MGST1: variants seen among roughly 807,000 people sequenced by gnomAD.
MGST1 encodes the protein microsomal glutathione S-transferase 1.
Under a neutral mutation model 8.9 loss-of-function variants are expected in MGST1, and 5 were observed. The ratio of observed to expected loss-of-function variants is 0.56; its 90% CI spans 0.29 to 1.19. The LOEUF (loss-of-function observed/expected upper bound fraction) is 1.19. Ranked by LOEUF, MGST1 falls within the 50% of genes most tolerant of loss-of-function variation. The probability of loss-of-function intolerance (pLI) is 0.08; values close to 1 mark genes in which losing one functional copy is unlikely to be tolerated. For synonymous variants in MGST1, 54 were observed against 67.8 expected (o/e 0.80, Z 1.00); for missense variants, 182 against 187.4 (o/e 0.97, Z 0.17).
exon 2 of MGST1, chr12:16,437,435 A>G (rs1940996657): frequency 6.6e-6 from 1 of 151,942 alleles, no homozygotes; most frequent in South Asian, 2.1e-4. Flanking sequence ...CTCTGTGCCC[A>G]GGGTTCAGTG....
rs1334389841 is a variant in MGST1, at chr12:16,361,479, C to T, written c.222-2316C>T. ...TCATGGGGAAGAAGGGTAATAGACC[C>T]AGGTAGAAAGTGGACTCTTAGGAAG... On this transcript the variant is annotated intron_variant, in intron 3 of 3. Transcript: ENST00000396210. The surrounding 1 kb of genome is among the most constrained non-coding windows in gnomAD (Gnocchi z 4.2). 4.6e-5 allele frequency among the ~76,000 whole-genome samples: 7 copies of T among 152,110 alleles called. No individual in the cohort carries two copies. Among genetic ancestry groups the T allele is most frequent in the African/African-American group, 7.2e-5 (3 of 41,406 alleles).
intron 4 of MGST1, among the ~76,000 whole-genome samples, chr12:16,502,811 T>G (rs1941513221): frequency 6.6e-6 from 1 of 152,230 alleles, no homozygotes; most frequent in South Asian, 2.1e-4. Context: ...TGTTTAGAAC[T>G]TGGAAAGAAT....
intron 3 of MGST1, chr12:16,360,279 T>C: frequency 1.1e-6 from 1 of 925,546 alleles, no homozygotes; most frequent in Non-Finnish European, 1.3e-6. Flanking sequence ...CTTTTTTTTT[T>C]CACCTCTCTC....
At chr12:16,355,329 G>A (rs1246806227) in intron 2 of MGST1, among the ~76,000 whole-genome samples, 7 of 151,130 alleles carry the variant, frequency 4.6e-5, no homozygotes, top group Non-Finnish European at 8.8e-5. Context: ...ATGCCTCAGC[G>A]TCCCAAGTAG....
In MGST1 at chr12:16,566,039, T is replaced by TATATATATATAA. The variant is rs1565488437; in HGVS notation, n.483-23488_483-23487insTATATATATAAA. On this transcript the variant is annotated intron_variant and non_coding_transcript_variant, in intron 4 of 4. Transcript: ENST00000538857. The stretch of plus-strand genomic sequence containing the variant: ...ATATATATATATATATATATATATA[T>TATATATATATAA]AAAATGGAGTACTATTCAGCCATAA... 5.8e-5 allele frequency among the ~76,000 whole-genome samples: 5 copies of TATATATATATAA among 86,522 alleles called. 1 individual carries two copies. Among genetic ancestry groups the TATATATATATAA allele is most frequent in the Non-Finnish European group, 9.0e-5 (4 of 44,258 alleles). The allele number at this position is 86,522 out of a possible 152,430, so 56.8% of individuals were successfully genotyped here. A position where few individuals can be genotyped will look rare whatever the true frequency, so the allele number is the denominator to read the frequency against.
intron 1 of MGST1, among the ~76,000 whole-genome samples, chr12:16,421,043 T>G (rs7967004): frequency 0.55 from 82,959 of 151,830 alleles, 24,096 homozygotes; most frequent in East Asian, 0.87. Context: ...TCCTATCCTC[T>G]GCTACACATT....
At chr12:16,488,593 T>C (rs193128772) in intron 4 of MGST1, among the ~76,000 whole-genome samples, 1 of 152,270 alleles carries the variant, frequency 6.6e-6, no homozygotes, top group East Asian at 1.9e-4. Flanking sequence ...CTTTTTCATA[T>C]AGTCCCCTAG....
rs185394144 is a variant in MGST1, at chr12:16,548,009, T to C, written n.483-41519T>C. Among the ~76,000 whole-genome samples, 29 of 152,298 alleles carry C rather than the reference T, an allele frequency of 1.9e-4. No individual in the cohort carries two copies. Among genetic ancestry groups the C allele is most frequent in the Middle Eastern group, 3.4e-3 (1 of 294 alleles). ...ACATCTCTTCTGTAAAAATGTAGAA[T>C]TGAGTTTCCTGTTTTAATTCATTAT... is the stretch of plus-strand genomic sequence containing the variant. On this transcript the variant is annotated intron_variant and non_coding_transcript_variant, in intron 4 of 4. Coordinates refer to the MGST1 transcript ENST00000538857. This position sits in a 1 kb window ranked among gnomAD's most constrained non-coding sequence, Gnocchi z 4.2.
chr12:16,407,522 A>G (rs372912314), intron 1 of MGST1, among the ~76,000 whole-genome samples: 8 of 152,232 alleles, frequency 5.3e-5, no homozygotes, highest in Non-Finnish European at 1.2e-4. Flanking sequence ...TCAAAGAACT[A>G]AAAGCAGAAC....
chr12:16,442,214 G>A (rs367878182), downstream of MGST1, among the ~76,000 whole-genome samples: 3 of 151,630 alleles, frequency 2.0e-5, no homozygotes, highest in East Asian at 2.0e-4. The surrounding 1 kb of genome is among the most constrained non-coding windows in gnomAD (Gnocchi z 4.5). Context: ...TCGTAAAAGA[G>A]TATGTTACTA....
chr12:16,573,547 G>C (rs1169748748), intron 4 of MGST1: 1 of 152,192 alleles, frequency 6.6e-6, no homozygotes, highest in Admixed American at 6.5e-5. Context: ...AAGGCGATAA[G>C]GGGGGCAGTT....
chr12:16,380,944 T>C (rs1275937266), downstream of MGST1, among the ~76,000 whole-genome samples: 1 of 152,212 alleles, frequency 6.6e-6, no homozygotes, highest in Non-Finnish European at 1.5e-5. Flanking sequence ...AAGTCTGTTT[T>C]ATCTGAGACT....
At chr12:16,573,820 T>C (rs1942906468) in intron 4 of MGST1, 1 of 152,156 alleles carries the variant, frequency 6.6e-6, no homozygotes, top group African/African-American at 2.4e-5. Flanking sequence ...CTTTACCACG[T>C]TAAGTGTCGA....
At chr12:16,558,765 C>T (rs10744129) in intron 4 of MGST1, among the ~76,000 whole-genome samples, 151,783 of 152,294 alleles carry the variant, frequency 1, 75,637 homozygotes, top group East Asian at 1. Context: ...GTGATACATG[C>T]CTTGTGGGAA....
At chr12:16,516,201 G>A (rs531670497) in intron 4 of MGST1, among the ~76,000 whole-genome samples, 6 of 152,218 alleles carry the variant, frequency 3.9e-5, no homozygotes, top group Admixed American at 1.3e-4. Context: ...AGGTAAGGGC[G>A]CTTCACACAA....
At chr12:16,511,488 A>G (rs1293931771) in intron 4 of MGST1, among the ~76,000 whole-genome samples, 1 of 152,182 alleles carries the variant, frequency 6.6e-6, no homozygotes, top group Non-Finnish European at 1.5e-5. Context: ...GCTGATTCTT[A>G]AACTTAAAAA....
At chr12:16,409,449 C>A (rs1940723693) in intron 1 of MGST1, among the ~76,000 whole-genome samples, 2 of 152,202 alleles carry the variant, frequency 1.3e-5, no homozygotes, top group South Asian at 4.1e-4. Context: ...GCTAGACGTT[C>A]ACCTGTGCAT....
intron 2 of MGST1, among the ~76,000 whole-genome samples, chr12:16,356,569 GT>G (rs1414811336): frequency 1.3e-5 from 2 of 152,114 alleles, no homozygotes; most frequent in African/African-American, 4.8e-5. Flanking sequence ...TAATTTTGCA[GT>G]TTGTGTTTTT....
intron 1 of MGST1, among the ~76,000 whole-genome samples, chr12:16,436,426 T>TA (rs1361723458): frequency 6.6e-6 from 1 of 151,910 alleles, no homozygotes; most frequent in African/African-American, 2.4e-5. Context: ...GTACTCTTCA[T>TA]ACTCTTAAGT....
Sources: allele counts gnomAD v4.1 joint callset (sites outside exome capture counted in the v4.1 genomes callset), GRCh38; gene constraint gnomAD v4.1.1; non-coding constraint Gnocchi (gnomAD v3.1); transcripts MANE v1.5; gene names NCBI Gene and HGNC (gene_info 2026-07-23, HGNC 2026-07-21).